KIAA1671: variants seen among roughly 807,000 people sequenced by gnomAD.
KIAA1671 encodes uncharacterized protein KIAA1671.
A neutral mutation model predicts 131.2 loss-of-function variants in KIAA1671; 52 were observed. That is an observed-to-expected ratio of 0.40 (90% CI 0.32 to 0.50). KIAA1671 has a LOEUF of 0.50. KIAA1671 is among the 20% of genes least tolerant of loss of function. The pLI, the probability that KIAA1671 is intolerant of heterozygous loss-of-function variation, is 0.73. For missense variants in KIAA1671, 2,360 were observed against 2,364.2 expected (o/e 1.00, Z 0.04); for synonymous variants, 1,003 against 961.6 (o/e 1.04, Z -0.80).
At chr22:25,020,393 T>C (rs1338605837) in intron 1 of KIAA1671, among the ~76,000 whole-genome samples, 1 of 152,232 alleles carries the variant, frequency 6.6e-6, no homozygotes, top group Non-Finnish European at 1.5e-5. Context: ...ACAATTTACA[T>C]TGTCGCTAGG....
rs144261463 is a variant in KIAA1671, at chr22:25,147,085, C to G, written c.4531-23735C>G. Among the ~76,000 whole-genome samples the G allele has an allele frequency of 1.5e-3, 232 of 152,280 alleles. 1 individual carries two copies. Among genetic ancestry groups the G allele is most frequent in the Admixed American group, 3.7e-3 (56 of 15,294 alleles). ...AGGGAGGGTGAGGGATGCTCCACCC[C>G]CTTCCTTGCTCCTTGATCCAAACGT... On this transcript the variant is annotated intron_variant, in intron 6 of 12. Coordinates refer to ENST00000358431, the MANE Select transcript of KIAA1671 (RefSeq NM_001145206.2).
Position 24,953,174 on chromosome 22 carries a change from T to G in KIAA1671, c.-208+402T>G, listed in dbSNP as rs548125001. ...GTCAGGGGTGACGGCGAAGGGTGATTCGAGACTGGGAGCGAGAGGATCAAT... is the reference window on the plus strand; with the variant it reads ...GTCAGGGGTGACGGCGAAGGGTGATGCGAGACTGGGAGCGAGAGGATCAAT... On this transcript the variant is annotated intron_variant, in intron 1 of 12. Transcript: ENST00000358431. Among the ~76,000 whole-genome samples, 3 of 152,150 alleles carry G rather than the reference T, an allele frequency of 2.0e-5. No individual in the cohort carries two copies. The South Asian group carries it at 6.2e-4, about 32-fold the overall frequency.
chr22:25,061,816 G>C (rs1318425530), intron 6 of KIAA1671: 1 of 152,356 alleles, frequency 6.6e-6, no homozygotes, highest in Non-Finnish European at 1.5e-5. Flanking sequence ...GGGAGGGAGC[G>C]CTCCAGCCAG....
chr22:25,041,896 C>T (rs1291498119), intron 5 of KIAA1671, among the ~76,000 whole-genome samples: 1 of 152,212 alleles, frequency 6.6e-6, no homozygotes, highest in Non-Finnish European at 1.5e-5. Flanking sequence ...AGGCATGCGC[C>T]ACCATGCTTG....
At chr22:25,070,624 GCTGAGACTCCTGAACA>G (rs1274290648) in intron 6 of KIAA1671, among the ~76,000 whole-genome samples, 20 of 151,856 alleles carry the variant, frequency 1.3e-4, no homozygotes, top group African/African-American at 4.6e-4. Context: ...TGTAGGAAGA[GCTGAGACTCCTGAACA>G]GGAATGAAGA....
chr22:25,072,649 G>A (rs1928891156), intron 6 of KIAA1671, among the ~76,000 whole-genome samples: 1 of 152,176 alleles, frequency 6.6e-6, no homozygotes, highest in South Asian at 2.1e-4. Flanking sequence ...GGATTCTGAG[G>A]AAGCCCCGTG....
intron 1 of KIAA1671, among the ~76,000 whole-genome samples, chr22:25,000,207 T>TAAATGTAGCTTTCGATGTTG (rs1569202495): frequency 2.4e-5 from 2 of 83,234 alleles, no homozygotes; most frequent in Admixed American, 1.2e-4. Flanking sequence ...TTTTTTTTTT[T>TAAATGTAGCTTTCGATGTTG]TTTTGAGACG....
chr22:25,117,422 A>G (rs1322492514), intron 6 of KIAA1671, among the ~76,000 whole-genome samples: 1 of 152,080 alleles, frequency 6.6e-6, no homozygotes, highest in African/African-American at 2.4e-5. Context: ...CCTTGCTGGG[A>G]GCATGACCAC....
At chr22:24,967,863 G>C (rs1214184136) in intron 1 of KIAA1671, among the ~76,000 whole-genome samples, 1 of 152,128 alleles carries the variant, frequency 6.6e-6, no homozygotes, top group East Asian at 1.9e-4. Flanking sequence ...CGTGGTGGCG[G>C]GTGCCTGTAG....
intron 6 of KIAA1671, chr22:25,070,494 C>T (rs1928766885): frequency 2.4e-6 from 1 of 416,650 alleles, no homozygotes; most frequent in Non-Finnish European, 4.4e-6. Flanking sequence ...GTCAACTTTG[C>T]TTTTTGGCTG....
At chr22:24,962,092 A>G (rs1487420989) in intron 1 of KIAA1671, among the ~76,000 whole-genome samples, 1 of 152,134 alleles carries the variant, frequency 6.6e-6, no homozygotes, top group Non-Finnish European at 1.5e-5. Context: ...GAAATGAGGG[A>G]TGATTGTCTT....
At chr22:24,995,046 GT>G (rs199745960) in intron 1 of KIAA1671, among the ~76,000 whole-genome samples, 22,628 of 136,296 alleles carry the variant, frequency 0.17, 1,978 homozygotes, top group East Asian at 0.27. Context: ...TGTATGTTAG[GT>G]TTTTTTTTTT....
chr22:25,146,039 A>C lies in KIAA1671; in HGVS notation c.4531-24781A>C, dbSNP rs574435040. 2.0e-5 allele frequency among the ~76,000 whole-genome samples: 3 copies of C among 152,330 alleles called. No individual in the cohort carries two copies. The East Asian group carries it at 5.8e-4, about 29-fold the overall frequency. ...ATGAGTGTGCACATGTGTCTGTATG[A>C]ATGCAGTTCTCTTTAAAACTCAGTG... On this transcript the variant is annotated intron_variant, in intron 6 of 12. Coordinates refer to ENST00000358431, the MANE Select transcript of KIAA1671 (RefSeq NM_001145206.2).
chr22:25,065,628 AATT>A (rs1234244146), intron 6 of KIAA1671, among the ~76,000 whole-genome samples: 39 of 150,988 alleles, frequency 2.6e-4, no homozygotes, highest in East Asian at 1.6e-3. Flanking sequence ...TTTTTTAAAG[AATT>A]ATTATTATTA....
In KIAA1671 at chr22:25,029,538, A is replaced by G; in HGVS notation, c.1539A>G (p.Lys513=). 2 of 1,533,464 alleles carry G rather than the reference A, an allele frequency of 1.3e-6. No individual in the cohort carries two copies. Among genetic ancestry groups the G allele is most frequent in the East Asian group, 4.9e-5 (2 of 40,666 alleles). The allele number at this position is 1,533,464 out of a possible 1,614,324, so 95.0% of individuals were successfully genotyped here. ...GGCCGCTGTCGGCGGATTTGACCAA[A>G]TTGTAAGTAGGCACATCCCACACCC... ...QARPLSADLT[K]LFSSSASSNE... Residue 513 remains lysine, a splice_region_variant and synonymous_variant, in exon 3 of 13, where the codon AAA becomes AAG. Transcript: ENST00000358431.
At chr22:24,967,459 G>A (rs1452815386) in intron 1 of KIAA1671, among the ~76,000 whole-genome samples, 1 of 152,224 alleles carries the variant, frequency 6.6e-6, no homozygotes, top group East Asian at 1.9e-4. Flanking sequence ...TTCCAGTGCT[G>A]TGTGTCCTTT....
At chr22:25,010,136 C>T (rs1295131341) in intron 1 of KIAA1671, 1 of 152,232 alleles carries the variant, frequency 6.6e-6, no homozygotes, top group Admixed American at 6.5e-5. Context: ...CCTGCAATCC[C>T]ATCAACTCAC....
intron 6 of KIAA1671, among the ~76,000 whole-genome samples, chr22:25,085,804 A>G (rs1929684947): frequency 7.0e-6 from 1 of 143,418 alleles, no homozygotes; most frequent in African/African-American, 2.5e-5. Flanking sequence ...GGAGGGAGGG[A>G]GGGAGGAAGG....
intron 6 of KIAA1671, among the ~76,000 whole-genome samples, chr22:25,154,255 C>T (rs967886516): frequency 3.3e-5 from 5 of 149,608 alleles, no homozygotes; most frequent in Admixed American, 2.0e-4. Flanking sequence ...CTGCCTTCAA[C>T]GGCCCTAGTC....
Sources: gnomAD v4.1 joint callset for allele counts (sites outside exome capture counted in the v4.1 genomes callset) on GRCh38, gnomAD v4.1.1 for gene constraint, MANE v1.5 for transcripts, NCBI Gene and HGNC (gene_info 2026-07-23, HGNC 2026-07-21) for gene names.